UBASH3B: variants seen among roughly 807,000 people sequenced by gnomAD.
The protein encoded by UBASH3B is ubiquitin associated and SH3 domain containing B, also known as ubiquitin-associated and SH3 domain-containing protein B.
A neutral mutation model predicts 83.4 loss-of-function variants in UBASH3B; 37 were observed. The observed-to-expected ratio is 0.44, with a 90% CI of 0.34 to 0.58. UBASH3B has a LOEUF of 0.58. Among genes scored for constraint, UBASH3B ranks in the 20% least tolerant of loss-of-function variants. The pLI, the probability that UBASH3B is intolerant of heterozygous loss-of-function variation, is 0.01. For synonymous variants in UBASH3B, 304 were observed against 318.3 expected (o/e 0.96, Z 0.48); for missense variants, 657 against 827.2 (o/e 0.79, Z 2.52).
At chr11:122,784,910 TCTC>T (rs758311252) in intron 5 of UBASH3B, among the ~76,000 whole-genome samples, 1 of 152,030 alleles carries the variant, frequency 6.6e-6, no homozygotes, top group Non-Finnish European at 1.5e-5. Context: ...AATTCTGACA[TCTC>T]CTAGAGTCAC....
At chr11:122,732,502 T>C (rs1860859717) in intron 1 of UBASH3B, among the ~76,000 whole-genome samples, 1 of 152,252 alleles carries the variant, frequency 6.6e-6, no homozygotes, top group African/African-American at 2.4e-5. Flanking sequence ...CTCTGTTTCC[T>C]AATGGAGACA....
intron 1 of UBASH3B, among the ~76,000 whole-genome samples, chr11:122,695,146 T>A (rs1863950516): frequency 6.6e-6 from 1 of 151,886 alleles, no homozygotes; most frequent in South Asian, 2.1e-4. Context: ...GCATTTTTCT[T>A]AGACACGGGG....
intron 5 of UBASH3B, among the ~76,000 whole-genome samples, chr11:122,787,041 C>A (rs1218735663): frequency 7.1e-6 from 1 of 141,152 alleles, no homozygotes; most frequent in African/African-American, 2.5e-5. Context: ...TCTCTGAAAT[C>A]GCATGAGTTT....
chr11:122,706,106 C>CTTTTTTTTTTTTTTTT (rs36055058), intron 1 of UBASH3B, among the ~76,000 whole-genome samples: 1 of 127,032 alleles, frequency 7.9e-6, no homozygotes, highest in Non-Finnish European at 1.6e-5. Context: ...TCTTTTCTTT[C>CTTTTTTTTTTTTTTTT]TTTTTTTTTT....
chr11:122,793,938 T>C (rs1591816741), intron 6 of UBASH3B, among the ~76,000 whole-genome samples: 1 of 152,172 alleles, frequency 6.6e-6, no homozygotes, highest in Admixed American at 6.5e-5. Context: ...CTGGCTGAGG[T>C]GGAGATGGTG....
At chr11:122,786,858 T>C (rs1440422320) in intron 5 of UBASH3B, among the ~76,000 whole-genome samples, 1 of 152,234 alleles carries the variant, frequency 6.6e-6, no homozygotes, top group African/African-American at 2.4e-5. Flanking sequence ...TTAATTCTTT[T>C]ATTGTTCATT....
At chr11:122,781,451 C>T (rs751354180) in intron 4 of UBASH3B, among the ~76,000 whole-genome samples, 1 of 152,190 alleles carries the variant, frequency 6.6e-6, no homozygotes, top group African/African-American at 2.4e-5. Context: ...CAGCCAGGGC[C>T]GCACAGATTC....
Position 122,796,159 on chromosome 11 carries a change from C to A in UBASH3B, c.1117C>A (p.Leu373Met). The A allele has an allele frequency of 6.2e-7, 1 of 1,614,082 alleles. No homozygotes were observed. The highest frequency in any genetic ancestry group is 1.3e-5 in the African/African-American group (1 of 75,050). Reference protein sequence around the residue: ...LTIICQPMQPLRVNSQPGPQK... With the variant: ...LTIICQPMQPMRVNSQPGPQK... ...AATAGCCTTTCTTTCTCTGCAGCCG[C>A]TGAGGGTCAACAGCCAGCCCGGCCC... The change falls in exon 8 of 14, where the codon CTG becomes ATG. Residue 373 changes from leucine (L) to methionine (M), a missense_variant. Physicochemically the swap from Leu to Met is conservative, Grantham distance 15. Coordinates refer to ENST00000284273, the MANE Select transcript of UBASH3B (RefSeq NM_032873.5).
intron 1 of UBASH3B, among the ~76,000 whole-genome samples, chr11:122,686,599 G>T (rs1863811213): frequency 6.6e-6 from 1 of 152,184 alleles, no homozygotes; most frequent in Non-Finnish European, 1.5e-5. Context: ...GGTGTGCAGG[G>T]AAAGAACATG....
At chr11:122,719,435 C>G (rs1565540344) in intron 1 of UBASH3B, among the ~76,000 whole-genome samples, 1 of 152,166 alleles carries the variant, frequency 6.6e-6, no homozygotes, top group Non-Finnish European at 1.5e-5. Flanking sequence ...TTTTTCTTGT[C>G]CCTTTCTTTC....
At chr11:122,772,433 A>G (rs1860661283) in intron 1 of UBASH3B, among the ~76,000 whole-genome samples, 1 of 152,142 alleles carries the variant, frequency 6.6e-6, no homozygotes, top group Admixed American at 6.5e-5. Context: ...AGAAGAAGAA[A>G]AAAGAGAGTA....
rs531449722 is a variant in UBASH3B at position 122,781,502 on chromosome 11, T to C, written c.602-1551T>C. Among the ~76,000 whole-genome samples the C allele has an allele frequency of 4.6e-5, 7 of 152,336 alleles. No individual in the cohort carries two copies. The South Asian group carries it at 1.4e-3, about 32-fold the overall frequency. ...AGTGAGCAGCAGTCGAAGCCCCAGCTTTCCCTGTGGGACGCGGGTGGAGCC... is the reference window on the plus strand; with the variant it reads ...AGTGAGCAGCAGTCGAAGCCCCAGCCTTCCCTGTGGGACGCGGGTGGAGCC... On this transcript the variant is annotated intron_variant, in intron 4 of 13. Transcript: ENST00000284273.
In UBASH3B at chr11:122,789,175, A is replaced by G; in HGVS notation, c.847A>G (p.Met283Val). ...LELVPGDFIF[M>V]SPMEQTSTSE... ...GCTGGTCCCCGGGGACTTCATCTTC[A>G]TGTCTCCAATGGAGCAGACCAGCAC... is the stretch of plus-strand genomic sequence containing the variant. Residue 283 changes from methionine (M) to valine (V), a missense_variant, in exon 6 of 14, where the codon ATG becomes GTG. By Grantham distance (21) the Met-to-Val change is conservative. Around this residue, in one of 3 missense-constraint regions of UBASH3B, gnomAD observed 573 missense variants for 739.0 expected, o/e 0.78. Coordinates refer to ENST00000284273, the MANE Select transcript of UBASH3B (RefSeq NM_032873.5). 6.2e-7 allele frequency: 1 copy of G among 1,614,078 alleles called. No homozygotes were observed. Among genetic ancestry groups the G allele is most frequent in the Non-Finnish European group, 8.5e-7 (1 of 1,180,006 alleles).
At position 122,739,332 on chromosome 11, in the gene UBASH3B, A is replaced by C. The variant is rs571797357; in HGVS notation, c.162-36887A>C. Among the ~76,000 whole-genome samples, 5 of 152,282 alleles carry C rather than the reference A, an allele frequency of 3.3e-5. No homozygotes were observed. The East Asian group carries it at 9.6e-4, about 29-fold the overall frequency. The stretch of plus-strand genomic sequence containing the variant: ...GTCCACAGTGTGTGGCTGGGGGAGG[A>C]ATTTTAATAGAGAGCAAAAAAATCA... On this transcript the variant is annotated intron_variant, in intron 1 of 13. Transcript: ENST00000284273.
chr11:122,809,326 C>T (rs1861398400), intron 13 of UBASH3B, among the ~76,000 whole-genome samples: 1 of 152,194 alleles, frequency 6.6e-6, no homozygotes, highest in African/African-American at 2.4e-5. Context: ...CCGCCCGCCT[C>T]GGCCTCCCAA....
At chr11:122,804,998 C>G (rs1418737924) in intron 11 of UBASH3B, among the ~76,000 whole-genome samples, 1 of 152,144 alleles carries the variant, frequency 6.6e-6, no homozygotes, top group Admixed American at 6.5e-5. Flanking sequence ...GGCACCGGGA[C>G]AGGAAGCCTA....
intron 1 of UBASH3B, among the ~76,000 whole-genome samples, chr11:122,754,907 T>C (rs1861259154): frequency 6.6e-6 from 1 of 152,134 alleles, no homozygotes; most frequent in Non-Finnish European, 1.5e-5. Context: ...GACCCCTGAC[T>C]CTACCACCAG....
chr11:122,796,315 A>G (rs1327666451), intron 8 of UBASH3B, 39 bp downstream of exon 8: 4 of 1,607,112 alleles, frequency 2.5e-6, no homozygotes, highest in Admixed American at 1.7e-5. Context: ...TGCCATACCC[A>G]TAGTGGCCTC....
intron 1 of UBASH3B, among the ~76,000 whole-genome samples, chr11:122,681,735 C>T (rs1324008782): frequency 6.6e-6 from 1 of 152,112 alleles, no homozygotes; most frequent in Non-Finnish European, 1.5e-5. Context: ...TGCAAACCCA[C>T]ATGCTTACCC....
Sources: gnomAD v4.1 joint callset for allele counts (sites outside exome capture counted in the v4.1 genomes callset) on GRCh38, gnomAD v4.1.1 for gene constraint, gnomAD v4.1.1 regional missense constraint, MANE v1.5 for transcripts, NCBI Gene and HGNC (gene_info 2026-07-23, HGNC 2026-07-21) for gene names.